Variants in LFNG observed in about 807,000 individuals in gnomAD.
LFNG encodes beta-1,3-N-acetylglucosaminyltransferase lunatic fringe.
LFNG carries 15 observed loss-of-function variants against 32.7 expected under a neutral mutation model. The ratio of observed to expected loss-of-function variants is 0.46; its 90% CI spans 0.31 to 0.71. LFNG has a LOEUF of 0.71. Ranked by LOEUF, LFNG falls within the 30% of genes least tolerant of loss-of-function variation. LFNG has a pLI of 0.06. For synonymous variants in LFNG, 274 were observed against 246.8 expected (o/e 1.11, Z -1.03); for missense variants, 520 against 545.7 (o/e 0.95, Z 0.47).
upstream of LFNG, among the ~76,000 whole-genome samples, chr7:2,516,695 C>T (rs1034928051): frequency 2.6e-5 from 4 of 152,216 alleles, no homozygotes; most frequent in African/African-American, 7.2e-5. Context: ...TCGGGCCATT[C>T]GCACACCCAG....
chr7:2,527,314 C>T lies in LFNG; in HGVS notation c.*102C>T. On this transcript the variant is annotated 3_prime_UTR_variant, in exon 8 of 8. Coordinates refer to ENST00000222725, the MANE Select transcript of LFNG (RefSeq NM_001040167.2). The surrounding 1 kb of genome is among the most constrained non-coding windows in gnomAD (Gnocchi z 4.4). ...CTCGGCATTCGAGGCTCCCCTAGGG[C>T]CGTGCCTGTGCGTGTGCGTGTGCGT... is the stretch of plus-strand genomic sequence containing the variant. 1.3e-6 allele frequency: 2 copies of T among 1,550,622 alleles called. No individual in the cohort carries two copies. The highest frequency in any genetic ancestry group is 1.7e-6 in the Non-Finnish European group (2 of 1,156,618).
In LFNG at chr7:2,525,780, C is replaced by T; in HGVS notation, c.821+10C>T. ...TGAGCCCGTGGGCCAGGTGAGTGCC[C>T]TGCACAGGTTAGGCCAGCCCGGTCC... is the stretch of plus-strand genomic sequence containing the variant. On this transcript the variant is annotated intron_variant, in intron 5 of 7. Transcript: ENST00000222725. 6.2e-7 allele frequency: 1 copy of T among 1,609,234 alleles called. No homozygotes were observed. The highest frequency in any genetic ancestry group is 8.5e-7 in the Non-Finnish European group (1 of 1,178,966).
Position 2,526,331 on chromosome 7 carries a change from G to A in LFNG, c.909G>A (p.Val303=). Reference sequence around the variant, plus strand: ...ACATCGTGGAGGCCCTGCTGGGTGTGCCCCTCATCCGCAGCGGCCTCTTCC... The same window carrying A: ...ACATCGTGGAGGCCCTGCTGGGTGTACCCCTCATCCGCAGCGGCCTCTTCC... ...IGYIVEALLG[V]PLIRSGLFHS... Residue 303 remains valine, a synonymous_variant, in exon 6 of 8, where the codon GTG becomes GTA. Coordinates refer to ENST00000222725, the MANE Select transcript of LFNG (RefSeq NM_001040167.2). This position sits in a 1 kb window ranked among gnomAD's most constrained non-coding sequence, Gnocchi z 6.9. The A allele has an allele frequency of 1.2e-6, 2 of 1,612,676 alleles. No individual in the cohort carries two copies. The highest frequency in any genetic ancestry group is 1.1e-5 in the South Asian group (1 of 91,086).
chr7:2,520,748 C>G lies in LFNG; in HGVS notation c.432+455C>G, dbSNP rs532440584. Among the ~76,000 whole-genome samples, 91 of 152,334 alleles carry G rather than the reference C, an allele frequency of 6.0e-4. 1 individual carries two copies. The highest frequency in any genetic ancestry group is 1.1e-3 in the Non-Finnish European group (75 of 68,040). The stretch of plus-strand genomic sequence containing the variant: ...TCTGACCTCTGGGCCCTTTCCTCAT[C>G]ACAGTGTTAAGGTACGGGGAGGGAG... On this transcript the variant is annotated intron_variant, in intron 1 of 7. Coordinates refer to ENST00000222725, the MANE Select transcript of LFNG (RefSeq NM_001040167.2). This position sits in a 1 kb window ranked among gnomAD's most constrained non-coding sequence, Gnocchi z 5.0.
chr7:2,526,818 T>G lies in LFNG; in HGVS notation c.988-18T>G, dbSNP rs890205060. On this transcript the variant is annotated intron_variant, in intron 6 of 7. Coordinates refer to ENST00000222725, the MANE Select transcript of LFNG (RefSeq NM_001040167.2). The surrounding 1 kb of genome is among the most constrained non-coding windows in gnomAD (Gnocchi z 6.9). Reference sequence around the variant, plus strand: ...GATGTCGGGCCCCTCCCGGCATCACTCCGCCCGCTCCCCACAGGTGACGCT... The same window carrying G: ...GATGTCGGGCCCCTCCCGGCATCACGCCGCCCGCTCCCCACAGGTGACGCT... 4 of 1,611,190 alleles carry G rather than the reference T, an allele frequency of 2.5e-6. No individual in the cohort carries two copies. The highest frequency in any genetic ancestry group is 1.3e-5 in the African/African-American group (1 of 74,716).
chr7:2,518,999 G>A (rs569920012), upstream of LFNG, among the ~76,000 whole-genome samples: 1 of 152,162 alleles, frequency 6.6e-6, no homozygotes, highest in African/African-American at 2.4e-5. Flanking sequence ...CATCTGGCCC[G>A]AGCGCAAGGA....
At chr7:2,524,490 C>T (rs976266848) in intron 1 of LFNG, among the ~76,000 whole-genome samples, 18 of 152,204 alleles carry the variant, frequency 1.2e-4, no homozygotes, top group Middle Eastern at 3.2e-3. Context: ...CGAGTGAATG[C>T]GTGAGCTCTG....
Position 2,519,872 on chromosome 7 carries a change from G to A in LFNG, c.11G>A (p.Arg4His). The A allele has an allele frequency of 1.8e-6, 2 of 1,104,292 alleles. No individual in the cohort carries two copies. The highest frequency in any genetic ancestry group is 3.1e-5 in the South Asian group (1 of 32,698). 68.4% of individuals were successfully genotyped at this position (1,104,292 alleles called of 1,614,324 possible). ...GGCCGCCACCCCACCATGCTCAAGC[G>A]CTGCGGCCGGCGCCTGCTGCTGGCG... MLK[R>H]CGRRLLLALA... is the part of the protein sequence containing the mutation. Residue 4 changes from arginine to histidine, a missense_variant, in exon 1 of 8, where the codon CGC becomes CAC. By Grantham distance (29) the Arg-to-His change is conservative (BLOSUM62 0). Transcript: ENST00000222725.
At position 2,519,882 on chromosome 7, in the gene LFNG, G is replaced by T; in HGVS notation, c.21G>T (p.Arg7=). 1.8e-6 allele frequency: 2 copies of T among 1,104,198 alleles called. No individual in the cohort carries two copies. Among genetic ancestry groups the T allele is most frequent in the Non-Finnish European group, 2.2e-6 (2 of 902,416 alleles). The allele number at this position is 1,104,198 out of a possible 1,614,324, so 68.4% of individuals were successfully genotyped here. A position where few individuals can be genotyped will look rare whatever the true frequency, so the allele number is the denominator to read the frequency against. The change falls in exon 1 of 8, where the codon CGG becomes CGT. Residue 7 remains arginine (R), a synonymous_variant. Coordinates refer to ENST00000222725, the MANE Select transcript of LFNG (RefSeq NM_001040167.2). The part of the protein sequence containing the change: MLKRCG[R]RLLLALAGAL... ...CCACCATGCTCAAGCGCTGCGGCCG[G>T]CGCCTGCTGCTGGCGCTGGCGGGCG...
At chr7:2,516,049 C>T (rs1437816223), upstream of LFNG, among the ~76,000 whole-genome samples, 1 of 152,224 alleles carries the variant, frequency 6.6e-6, no homozygotes, top group Non-Finnish European at 1.5e-5. Flanking sequence ...AATCCATGGG[C>T]CCCCTGGCAT....
rs371717362 is a variant in LFNG, at chr7:2,526,426, G to T, written c.987+17G>T. 56 of 1,603,764 alleles carry T rather than the reference G, an allele frequency of 3.5e-5. No homozygotes were observed. The highest frequency in any genetic ancestry group is 4.5e-5 in the Non-Finnish European group (53 of 1,179,804). ...CACGAGCAGGTGCACCATCCTCCGG[G>T]CCCCGCCAGGACTCCGAGAGCACAG... On this transcript the variant is annotated intron_variant, in intron 6 of 7. Transcript: ENST00000222725. The surrounding 1 kb of genome is among the most constrained non-coding windows in gnomAD (Gnocchi z 6.9).
Position 2,525,667 on chromosome 7 carries a change from C to T in LFNG, c.736-18C>T, listed in dbSNP as rs375297351. On this transcript the variant is annotated intron_variant, in intron 4 of 7. Transcript: ENST00000222725. ...GCAGCAGCGCCTGGGTCTCAGGACA[C>T]CTTCTCCCTTCTCCCAGCGTCCTGT... 45 of 1,612,434 alleles carry T rather than the reference C, an allele frequency of 2.8e-5. No individual in the cohort carries two copies. The East Asian group carries it at 2.9e-4, about 10-fold the overall frequency.
chr7:2,528,102 C>T lies in LFNG; in HGVS notation c.*890C>T. ...GGGGTGGGGGAGGGTCTTATTTTAT[C>T]TTATCTTTTCTGTGGATCAGAAAAA... is the stretch of plus-strand genomic sequence containing the variant. On this transcript the variant is annotated 3_prime_UTR_variant, in exon 8 of 8. Coordinates refer to ENST00000222725, the MANE Select transcript of LFNG (RefSeq NM_001040167.2). The T allele has an allele frequency of 1.0e-6, 1 of 985,246 alleles. No individual in the cohort carries two copies. The highest frequency in any genetic ancestry group is 4.7e-5 in the South Asian group (1 of 21,266). 61.0% of individuals were successfully genotyped at this position (985,246 alleles called of 1,614,324 possible). A position where few individuals can be genotyped will look rare whatever the true frequency, so the allele number is the denominator to read the frequency against.
At position 2,527,998 on chromosome 7, in the gene LFNG, G is replaced by A. The variant is rs1389860435; in HGVS notation, c.*786G>A. 8 of 971,144 alleles carry A rather than the reference G, an allele frequency of 8.2e-6. No homozygotes were observed. In the African/African-American group the frequency reaches 9.5e-5, roughly 12 times the overall value. The allele number at this position is 971,144 out of a possible 1,614,324, so 60.2% of individuals were successfully genotyped here. On this transcript the variant is annotated 3_prime_UTR_variant, in exon 8 of 8. Coordinates refer to ENST00000222725, the MANE Select transcript of LFNG (RefSeq NM_001040167.2). This position sits in a 1 kb window ranked among gnomAD's most constrained non-coding sequence, Gnocchi z 4.4. ...GGGCGTGTCTGTAAATATTGTGACA[G>A]TATTTTTTTACTGTGCTGTTTTTTT...
intron 2 of LFNG, among the ~76,000 whole-genome samples, chr7:2,524,969 C>T (rs1193182944): frequency 1.3e-5 from 2 of 152,222 alleles, no homozygotes; most frequent in Non-Finnish European, 2.9e-5. Context: ...GCCCAGGCAG[C>T]GGCAACAGGT....
Position 2,520,169 on chromosome 7 carries a change from C to T in LFNG, c.308C>T (p.Pro103Leu), listed in dbSNP as rs747331172. ...GAAPRPADGH[P>L]RPLAEPLAPR... ...GCCCCCCGCCCCGCCGACGGCCACCCGCGCCCCCTGGCCGAGCCGCTCGCG... is the reference window on the plus strand; with the variant it reads ...GCCCCCCGCCCCGCCGACGGCCACCTGCGCCCCCTGGCCGAGCCGCTCGCG... The change falls in exon 1 of 8, where the codon CCG becomes CTG. Residue 103 changes from proline (P) to leucine (L), a missense_variant. Around this residue, in one of 3 missense-constraint regions of LFNG, gnomAD observed 360 missense variants for 354.7 expected, o/e 1.01. Coordinates refer to ENST00000222725, the MANE Select transcript of LFNG (RefSeq NM_001040167.2). The surrounding 1 kb of genome is among the most constrained non-coding windows in gnomAD (Gnocchi z 5.0). The T allele has an allele frequency of 3.3e-6, 5 of 1,529,818 alleles. No homozygotes were observed. The highest frequency in any genetic ancestry group is 3.5e-6 in the Non-Finnish European group (4 of 1,139,956). The allele number at this position is 1,529,818 out of a possible 1,614,324, so 94.8% of individuals were successfully genotyped here. A position where few individuals can be genotyped will look rare whatever the true frequency, so the allele number is the denominator to read the frequency against.
rs1436541279 is a variant in LFNG at position 2,519,963 on chromosome 7, C to G, written c.102C>G (p.Pro34=). The change falls in exon 1 of 8, where the codon CCC becomes CCG. Residue 34 remains proline, a synonymous_variant. Transcript: ENST00000222725. The part of the protein sequence containing the change: ...LTADPPPPPL[P]AERGRRALRS... ...CCGACCCGCCGCCGCCTCCACTGCC[C>G]GCCGAGCGCGGCCGGCGCGCGCTGC... 1.0e-6 allele frequency: 1 copy of G among 988,926 alleles called. No individual in the cohort carries two copies. The highest frequency in any genetic ancestry group is 1.2e-6 in the Non-Finnish European group (1 of 834,172). The allele number at this position is 988,926 out of a possible 1,614,324, so 61.3% of individuals were successfully genotyped here. A position where few individuals can be genotyped will look rare whatever the true frequency, so the allele number is the denominator to read the frequency against.
At chr7:2,512,809 C>A in intron 1 of LFNG, 1 of 959,162 alleles carries the variant, frequency 1.0e-6, no homozygotes, top group South Asian at 1.4e-5. Flanking sequence ...CATTCTACAC[C>A]TAGATCCTCA....
upstream of LFNG, among the ~76,000 whole-genome samples, chr7:2,518,896 T>G (rs1014256848): frequency 6.6e-6 from 1 of 151,562 alleles, no homozygotes; most frequent in African/African-American, 2.4e-5. Flanking sequence ...CCGCCCCCGC[T>G]CGTGCGAGGG....
Sources: allele counts gnomAD v4.1 joint callset (sites outside exome capture counted in the v4.1 genomes callset), GRCh38; gene constraint gnomAD v4.1.1; regional missense constraint gnomAD v4.1.1; non-coding constraint Gnocchi (gnomAD v3.1); transcripts MANE v1.5; gene names NCBI Gene and HGNC (gene_info 2026-07-23, HGNC 2026-07-21).